The following OR7C1 variants were observed in gnomAD, a reference collection of about 807,000 sequenced individuals.
The protein encoded by OR7C1 is olfactory receptor family 7 subfamily C member 1.
For synonymous variants in OR7C1, 152 were observed against 160.7 expected, an observed-to-expected ratio of 0.95 and a Z score of 0.41; for missense variants, 324 against 383.3, an observed-to-expected ratio of 0.85 and a Z score of 1.29.
At chr19:14,834,889 C>T in intron 1 of OR7C1, among the ~76,000 whole-genome samples, 185 bp downstream of exon 1, 1 of 152,158 alleles carries the variant, frequency 6.6e-6, no homozygotes, top group Non-Finnish European at 1.5e-5. Context: ...TCAGTGTTCA[C>T]TTTTCTTTTT....
intron 1 of OR7C1, chr19:14,824,158 C>T (rs1313761956): frequency 6.6e-6 from 1 of 152,192 alleles, no homozygotes; most frequent in East Asian, 1.9e-4. Flanking sequence ...AATTATTTAG[C>T]TCTGGGAGTT....
chr19:14,824,022 A>G (rs759847666), intron 1 of OR7C1, among the ~76,000 whole-genome samples: 41 of 151,160 alleles, frequency 2.7e-4, no homozygotes, highest in Non-Finnish European at 5.0e-4. Flanking sequence ...TGTGCTTTCC[A>G]TTTACCTTTT....
intron 1 of OR7C1, among the ~76,000 whole-genome samples, chr19:14,819,182 C>T (rs372096465): frequency 6.6e-6 from 1 of 151,016 alleles, no homozygotes; most frequent in Non-Finnish European, 1.5e-5. Flanking sequence ...ATTTTAATTT[C>T]GGGGGTACAT....
chr19:14,828,164 GA>G, intron 1 of OR7C1: 3 of 1,614,172 alleles, frequency 1.9e-6, no homozygotes, highest in Non-Finnish European at 2.5e-6. Context: ...GCCCAAAGAG[GA>G]AGGGTTGCAG....
At chr19:14,812,481 C>T (rs2044695824) in intron 1 of OR7C1, among the ~76,000 whole-genome samples, 2 of 152,130 alleles carry the variant, frequency 1.3e-5, no homozygotes, top group African/African-American at 2.4e-5. Flanking sequence ...TGTTCTGTTC[C>T]ACTCTGGCCA....
intron 2 of OR7C1, among the ~76,000 whole-genome samples, chr19:14,807,208 G>A (rs1025225470): frequency 1.3e-5 from 2 of 151,832 alleles, no homozygotes; most frequent in Admixed American, 1.3e-4. Context: ...TTCATGTAGG[G>A]ATGGCCATGC....
intron 2 of OR7C1, among the ~76,000 whole-genome samples, chr19:14,803,045 G>T (rs1317218181): frequency 1.3e-5 from 2 of 152,056 alleles, no homozygotes. Context: ...CGTGGCTCAC[G>T]CCTGTAATCT....
intron 1 of OR7C1, chr19:14,826,995 T>C (rs887532390): frequency 3.2e-5 from 8 of 252,542 alleles, no homozygotes; most frequent in African/African-American, 1.3e-4. Flanking sequence ...ACAGGAGACA[T>C]ACAACTCTTC....
chr19:14,808,929 G>T (rs768392680), intron 2 of OR7C1, among the ~76,000 whole-genome samples: 1 of 151,824 alleles, frequency 6.6e-6, no homozygotes, highest in Non-Finnish European at 1.5e-5. Context: ...TATGCACCTC[G>T]TTGTATGCCC....
At chr19:14,812,447 A>G (rs1599916791) in intron 1 of OR7C1, among the ~76,000 whole-genome samples, 1 of 152,180 alleles carries the variant, frequency 6.6e-6, no homozygotes. Flanking sequence ...ATTGTATAAA[A>G]GAACATTTTG....
intron 1 of OR7C1, among the ~76,000 whole-genome samples, chr19:14,816,069 C>A (rs2044714968): frequency 6.6e-6 from 1 of 152,144 alleles, no homozygotes; most frequent in Non-Finnish European, 1.5e-5. Flanking sequence ...AAGTAATCCA[C>A]CCCACTTGGC....
At chr19:14,798,932 G>A (rs1447168343) in exon 5 of OR7C1, 1 of 390,130 alleles carries the variant, frequency 2.6e-6, no homozygotes. Context: ...TATGTCTGCA[G>A]CTCGATTTTT....
At chr19:14,820,596 T>C (rs1183209520) in intron 1 of OR7C1, among the ~76,000 whole-genome samples, 1 of 152,132 alleles carries the variant, frequency 6.6e-6, no homozygotes, top group African/African-American at 2.4e-5. Flanking sequence ...AGTGTTCCTA[T>C]GTAGACGTAC....
intron 1 of OR7C1, among the ~76,000 whole-genome samples, chr19:14,811,896 C>T (rs141897827): frequency 0.013 from 2,004 of 152,076 alleles, 32 homozygotes; most frequent in Non-Finnish European, 0.018. Context: ...CACCTCCTCC[C>T]GTGCGGCCTA....
exon 5 of OR7C1, chr19:14,799,147 G>A (rs368915087): frequency 2.3e-5 from 36 of 1,561,314 alleles, no homozygotes; most frequent in Middle Eastern, 3.5e-4. Context: ...CACCAAAAGT[G>A]CCTCCCAATG....
chr19:14,828,840 G>C (rs1209465322), intron 1 of OR7C1, among the ~76,000 whole-genome samples: 1 of 145,636 alleles, frequency 6.9e-6, no homozygotes, highest in Non-Finnish European at 1.5e-5. Context: ...TGTTGACCAT[G>C]TTCTTGTCAC....
intron 2 of OR7C1, among the ~76,000 whole-genome samples, chr19:14,803,178 G>A (rs747901313): frequency 6.6e-6 from 1 of 151,718 alleles, no homozygotes; most frequent in African/African-American, 2.4e-5. Context: ...GTGGTGGTGC[G>A]CATCTGTAAT....
At chr19:14,817,765 C>T (rs528208382) in intron 1 of OR7C1, among the ~76,000 whole-genome samples, 1 of 152,176 alleles carries the variant, frequency 6.6e-6, no homozygotes, top group Admixed American at 6.5e-5. Flanking sequence ...ATGCAGAGAC[C>T]ACTGCTGACA....
intron 1 of OR7C1, among the ~76,000 whole-genome samples, chr19:14,817,684 T>C (rs1012555081): frequency 2.0e-5 from 3 of 152,204 alleles, no homozygotes; most frequent in Non-Finnish European, 2.9e-5. Flanking sequence ...GTTTGTTTGC[T>C]TAGTTGACTG....
Sources: allele counts gnomAD v4.1 joint callset (sites outside exome capture counted in the v4.1 genomes callset), GRCh38; gene constraint gnomAD v4.1.1; transcripts MANE v1.5; gene names NCBI Gene and HGNC (gene_info 2026-07-23, HGNC 2026-07-21).